TANK: variants seen among roughly 807,000 people sequenced by gnomAD.
TANK encodes the protein TRAF family member associated NFKB activator, also known as TRAF family member-associated NF-kappa-B activator.
In TANK, 15 loss-of-function variants were observed where a neutral mutation model predicts 43.6. That is an observed-to-expected ratio of 0.34 (90% CI 0.23 to 0.53). The LOEUF is 0.53. TANK is among the 20% of genes least tolerant of loss of function. TANK has a pLI of 0.94. For synonymous variants in TANK, 162 were observed against 178.2 expected (o/e 0.91, Z 0.73); for missense variants, 417 against 498.6 (o/e 0.84, Z 1.56).
intron 1 of TANK, among the ~76,000 whole-genome samples, chr2:161,164,816 C>CT (rs1684600573): frequency 6.6e-6 from 1 of 151,986 alleles, no homozygotes; most frequent in Admixed American, 6.6e-5. Context: ...ATTCACATTG[C>CT]TATGCAACCA....
chr2:161,189,374 C>CT (rs1685810917), intron 2 of TANK, among the ~76,000 whole-genome samples: 1 of 152,088 alleles, frequency 6.6e-6, no homozygotes, highest in African/African-American at 2.4e-5. Flanking sequence ...ACTCAACAAA[C>CT]TAAGAATAGA....
At chr2:161,139,633 TA>T (rs1481711825) in intron 1 of TANK, 2 of 935,368 alleles carry the variant, frequency 2.1e-6, no homozygotes, top group African/African-American at 3.6e-5. Flanking sequence ...TAGTTCAAAA[TA>T]AACCAACCAA....
In TANK at chr2:161,188,516, G is replaced by A. The variant is rs540999368; in HGVS notation, c.99+8755G>A. On this transcript the variant is annotated intron_variant, in intron 2 of 7. Transcript: ENST00000392749. The stretch of plus-strand genomic sequence containing the variant: ...TGAATAGACCTTTACCTAGTAAGGA[G>A]ATTGAATCAGTAATCAAAAACTTCC... Among the ~76,000 whole-genome samples, 7 of 152,266 alleles carry A rather than the reference G, an allele frequency of 4.6e-5. No homozygotes were observed. The East Asian group carries it at 1.2e-3, about 25-fold the overall frequency.
chr2:161,227,295 G>A (rs543360751), intron 6 of TANK, among the ~76,000 whole-genome samples: 27 of 152,236 alleles, frequency 1.8e-4, no homozygotes, highest in African/African-American at 2.9e-4. Context: ...ATTTCTCCTC[G>A]TTTTGTTCAC....
chr2:161,231,690 CA>C, intron 7 of TANK, 139 bp downstream of exon 7: 2 of 750,624 alleles, frequency 2.7e-6, no homozygotes, highest in Non-Finnish European at 4.3e-6. Context: ...TTCAAAAAAA[CA>C]AGTCCCATAA....
intron 2 of TANK, among the ~76,000 whole-genome samples, chr2:161,184,257 G>C (rs970332366): frequency 1.3e-5 from 2 of 152,060 alleles, no homozygotes; most frequent in African/African-American, 2.4e-5. Flanking sequence ...TTGTGCTTTG[G>C]AACAGTCTTC....
chr2:161,203,619 G>T, intron 3 of TANK, 24 bp downstream of exon 3: 1 of 1,489,456 alleles, frequency 6.7e-7, no homozygotes. Context: ...AATTTTTTAT[G>T]TATTTCTAGA....
At chr2:161,217,315 A>C (rs568375712) in intron 4 of TANK, among the ~76,000 whole-genome samples, 2 of 152,238 alleles carry the variant, frequency 1.3e-5, no homozygotes, top group African/African-American at 4.8e-5. Flanking sequence ...TCAGAATTTA[A>C]GGTTCTCAAA....
chr2:161,201,872 T>C (rs527612609), intron 2 of TANK, among the ~76,000 whole-genome samples: 2 of 152,336 alleles, frequency 1.3e-5, no homozygotes, highest in Non-Finnish European at 2.9e-5. Flanking sequence ...GACGTATTCA[T>C]TGGACATGCA....
chr2:161,214,736 GC>G (rs1244196740), intron 4 of TANK, among the ~76,000 whole-genome samples: 1 of 152,090 alleles, frequency 6.6e-6, no homozygotes, highest in African/African-American at 2.4e-5. Context: ...CTACTTACAA[GC>G]TAATAAGTTA....
At chr2:161,180,102 C>T (rs1685354372) in intron 2 of TANK, 1 of 1,006,788 alleles carries the variant, frequency 9.9e-7, no homozygotes, top group South Asian at 4.6e-5. Flanking sequence ...TCACTGTCTC[C>T]ATTTGTTTGG....
intron 2 of TANK, among the ~76,000 whole-genome samples, chr2:161,197,036 T>C (rs1686183480): frequency 6.6e-6 from 1 of 152,216 alleles, no homozygotes. Flanking sequence ...TATACACACA[T>C]GTATACAGGA....
chr2:161,224,535 T>C, intron 5 of TANK, 96 bp from the exon 6 acceptor site: 2 of 487,998 alleles, frequency 4.1e-6, no homozygotes, highest in South Asian at 5.2e-5. Flanking sequence ...TAAATAATTA[T>C]TTTGTGGCAC....
At chr2:161,165,039 C>CTTTTT (rs11314845) in intron 1 of TANK, among the ~76,000 whole-genome samples, 2 of 97,706 alleles carry the variant, frequency 2.0e-5, no homozygotes, top group African/African-American at 3.7e-5. Flanking sequence ...AACACCAATA[C>CTTTTT]TTTTTTTTTT....
At chr2:161,192,141 T>C (rs188796500) in intron 2 of TANK, among the ~76,000 whole-genome samples, 1 of 152,146 alleles carries the variant, frequency 6.6e-6, no homozygotes, top group African/African-American at 2.4e-5. Context: ...GCTTGAGATA[T>C]CTGTGACAAT....
At chr2:161,151,585 G>A (rs1028045407) in intron 1 of TANK, among the ~76,000 whole-genome samples, 4 of 151,846 alleles carry the variant, frequency 2.6e-5, no homozygotes, top group Admixed American at 6.6e-5. Context: ...GTTTAGCCAC[G>A]CCATCTCTCT....
At chr2:161,203,401 C>CAT in intron 2 of TANK, 86 bp from the exon 3 acceptor site, 1 of 873,794 alleles carries the variant, frequency 1.1e-6, no homozygotes, top group Non-Finnish European at 1.8e-6. Context: ...GTGGGCAACT[C>CAT]ATATCTATTT....
At chr2:161,174,384 C>G (rs889756840) in intron 1 of TANK, among the ~76,000 whole-genome samples, 1 of 152,114 alleles carries the variant, frequency 6.6e-6, no homozygotes, top group Admixed American at 6.6e-5. Context: ...ATCATATCAT[C>G]TCTTTACTTC....
At chr2:161,168,709 T>C (rs762670455) in intron 1 of TANK, among the ~76,000 whole-genome samples, 5 of 152,184 alleles carry the variant, frequency 3.3e-5, no homozygotes, top group Non-Finnish European at 5.9e-5. Flanking sequence ...GGCGTGCGCC[T>C]GTAATCCCAG....
Sources: allele counts gnomAD v4.1 joint callset (sites outside exome capture counted in the v4.1 genomes callset), GRCh38; gene constraint gnomAD v4.1.1; transcripts MANE v1.5; gene names NCBI Gene and HGNC (gene_info 2026-07-23, HGNC 2026-07-21).